The following SHANK2 variants were observed in gnomAD, a reference collection of about 807,000 sequenced individuals.
SHANK2 encodes the protein SH3 and multiple ankyrin repeat domains 2, also known as SH3 and multiple ankyrin repeat domains protein 2.
In SHANK2, 43 loss-of-function variants were observed where a neutral mutation model predicts 133.7. The observed-to-expected ratio is 0.32, with a 90% CI of 0.25 to 0.41. SHANK2 has a LOEUF of 0.41. Ranked by LOEUF, SHANK2 falls within the 10% of genes least tolerant of loss-of-function variation. SHANK2 has a pLI of 1.00. For missense variants in SHANK2, 1,994 were observed against 2,235.8 expected (o/e 0.89, Z 2.18); for synonymous variants, 1,017 against 952.8 (o/e 1.07, Z -1.24).
At chr11:70,531,706 G>C (rs1554973258) in intron 17 of SHANK2, among the ~76,000 whole-genome samples, 1 of 152,290 alleles carries the variant, frequency 6.6e-6, no homozygotes, top group East Asian at 1.9e-4. Flanking sequence ...ATGGGGACTG[G>C]GTAGGAGCGC....
intron 12 of SHANK2, among the ~76,000 whole-genome samples, chr11:70,819,609 C>T (rs528060644): frequency 4.6e-5 from 7 of 152,262 alleles, no homozygotes; most frequent in South Asian, 2.1e-4. Context: ...TGGAGTTGGA[C>T]GCCGAATGGG....
intron 6 of SHANK2, among the ~76,000 whole-genome samples, chr11:71,104,153 C>T (rs1951767482): frequency 6.6e-6 from 1 of 152,148 alleles, no homozygotes; most frequent in African/African-American, 2.4e-5. Context: ...ACAACGCTCA[C>T]CTAACGCTCA....
At chr11:71,071,815 C>T (rs1951146845) in intron 9 of SHANK2, among the ~76,000 whole-genome samples, 1 of 152,106 alleles carries the variant, frequency 6.6e-6, no homozygotes, top group Non-Finnish European at 1.5e-5. Context: ...ACCCCGGAGG[C>T]CACCATGAGC....
At chr11:71,073,400 C>T (rs1315991698) in intron 9 of SHANK2, among the ~76,000 whole-genome samples, 9 of 151,714 alleles carry the variant, frequency 5.9e-5, no homozygotes, top group South Asian at 2.1e-4. Context: ...TCAAGCAATC[C>T]GCCTGCCTTG....
At chr11:70,868,737 C>T (rs370014227) in intron 11 of SHANK2, among the ~76,000 whole-genome samples, 96 of 152,352 alleles carry the variant, frequency 6.3e-4, no homozygotes, top group Non-Finnish European at 9.4e-4. Context: ...AAGTCCCATC[C>T]GGGAAAGGGC....
At chr11:71,133,353 G>GCTGGCTGGCTGGCTGGCTGGCTGT (rs1555104074) in intron 3 of SHANK2, among the ~76,000 whole-genome samples, 1 of 102,292 alleles carries the variant, frequency 9.8e-6, no homozygotes, top group African/African-American at 3.2e-5. Context: ...TGCATGGCTG[G>GCTGGCTGGCTGGCTGGCTGGCTGT]CTGGCTGGCT....
Position 71,175,805 on chromosome 11 carries a change from C to A in SHANK2, c.-12-28467G>T, listed in dbSNP as rs149212408. 7.9e-3 allele frequency among the ~76,000 whole-genome samples: 1,206 copies of A among 152,300 alleles called. 20 individuals are homozygous for A. Among genetic ancestry groups the A allele is most frequent in the African/African-American group, 0.028 (1,152 of 41,544 alleles). Reference sequence around the variant, plus strand: ...TATGATGACTCCCAGCTTTCTGCCTCCTCAGGGTTTCCAGACCATGCTGCA... The same window carrying A: ...TATGATGACTCCCAGCTTTCTGCCTACTCAGGGTTTCCAGACCATGCTGCA... On this transcript the variant is annotated intron_variant, in intron 2 of 25. Coordinates refer to ENST00000601538, the MANE Select transcript of SHANK2 (RefSeq NM_012309.5). The surrounding 1 kb of genome is among the most constrained non-coding windows in gnomAD (Gnocchi z 4.2).
intron 3 of SHANK2, among the ~76,000 whole-genome samples, chr11:71,137,991 A>G (rs1952479763): frequency 6.6e-6 from 1 of 151,990 alleles, no homozygotes; most frequent in African/African-American, 2.4e-5. Flanking sequence ...CACACAGCAA[A>G]GCACCCGAAT....
chr11:71,141,354 A>T (rs1555105757), intron 3 of SHANK2, among the ~76,000 whole-genome samples: 1 of 151,126 alleles, frequency 6.6e-6, no homozygotes, highest in Non-Finnish European at 1.5e-5. Flanking sequence ...AAAAAAAATT[A>T]TCTGGGTGTC....
chr11:70,638,795 G>A (rs181320032), intron 17 of SHANK2, among the ~76,000 whole-genome samples: 1 of 151,964 alleles, frequency 6.6e-6, no homozygotes, highest in African/African-American at 2.4e-5. Flanking sequence ...TCAGGAGTTC[G>A]AGACCAACCT....
chr11:70,871,434 C>T (rs1350481489), intron 11 of SHANK2, among the ~76,000 whole-genome samples: 1 of 152,172 alleles, frequency 6.6e-6, no homozygotes, highest in Non-Finnish European at 1.5e-5. Context: ...GAACCTGGGG[C>T]CACACCACCT....
intron 11 of SHANK2, among the ~76,000 whole-genome samples, chr11:70,850,183 G>A (rs782270667): frequency 4.0e-5 from 6 of 151,248 alleles, no homozygotes; most frequent in African/African-American, 1.5e-4. Context: ...AACCTCCTAC[G>A]GTTCTCCTTC....
chr11:70,549,623 G>T (rs1395862401), intron 17 of SHANK2, among the ~76,000 whole-genome samples: 1 of 152,116 alleles, frequency 6.6e-6, no homozygotes, highest in Non-Finnish European at 1.5e-5. Context: ...GTGACCCGAG[G>T]TCCCCGGCCA....
intron 4 of SHANK2, among the ~76,000 whole-genome samples, chr11:71,115,983 G>C (rs573012142): frequency 6.6e-6 from 1 of 152,292 alleles, no homozygotes; most frequent in South Asian, 2.1e-4. Context: ...CTGAGGCCAG[G>C]ACAGCTGAGT....
intron 17 of SHANK2, among the ~76,000 whole-genome samples, chr11:70,653,536 G>A (rs1355945261): frequency 4.7e-5 from 7 of 148,378 alleles, no homozygotes; most frequent in African/African-American, 1.5e-4. Context: ...TCCCGCTCCC[G>A]GGTTCAAGTG....
At chr11:71,190,409 C>G (rs922899142) in intron 2 of SHANK2, among the ~76,000 whole-genome samples, 1 of 152,190 alleles carries the variant, frequency 6.6e-6, no homozygotes, top group Admixed American at 6.5e-5. Context: ...TCCATCCAGA[C>G]CCTTAAGCAT....
At chr11:70,724,039 C>CTT (rs11342822) in intron 14 of SHANK2, among the ~76,000 whole-genome samples, 5 of 143,898 alleles carry the variant, frequency 3.5e-5, no homozygotes, top group East Asian at 2.0e-4. Context: ...AAAGTTCATT[C>CTT]TTTTTTTTTT....
intron 12 of SHANK2, among the ~76,000 whole-genome samples, chr11:70,811,377 CTG>C (rs1555053174): frequency 6.6e-6 from 1 of 152,164 alleles, no homozygotes; most frequent in Non-Finnish European, 1.5e-5. Context: ...CACGGCCCCA[CTG>C]TGCATCCTCA....
intron 11 of SHANK2, among the ~76,000 whole-genome samples, chr11:70,878,461 G>C (rs1555071777): frequency 1.3e-5 from 2 of 152,180 alleles, no homozygotes; most frequent in Non-Finnish European, 2.9e-5. Flanking sequence ...ATATTAATTG[G>C]CTGTGGCTGA....
Sources: allele counts gnomAD v4.1 joint callset (sites outside exome capture counted in the v4.1 genomes callset), GRCh38; gene constraint gnomAD v4.1.1; non-coding constraint Gnocchi (gnomAD v3.1); transcripts MANE v1.5; gene names NCBI Gene and HGNC (gene_info 2026-07-23, HGNC 2026-07-21).